The following DTD1 variants were observed in gnomAD, a reference collection of about 807,000 sequenced individuals.
The protein encoded by DTD1 is D-aminoacyl-tRNA deacylase 1, also known as D-tyrosyl-tRNA deacylase 1 homolog.
DTD1 carries 13 observed loss-of-function variants against 25.6 expected under a neutral mutation model. The ratio of observed to expected loss-of-function variants is 0.51; its 90% CI spans 0.33 to 0.81. The LOEUF is 0.81. Among genes scored for constraint, DTD1 ranks in the 30% least tolerant of loss-of-function variants. DTD1 has a pLI of 0.02. For synonymous variants in DTD1, 110 were observed against 103.6 expected (o/e 1.06, Z -0.37); for missense variants, 193 against 266.4 (o/e 0.72, Z 1.92).
At chr20:18,741,329 A>T (rs1657205385) in intron 4 of DTD1, among the ~76,000 whole-genome samples, 1 of 152,162 alleles carries the variant, frequency 6.6e-6, no homozygotes, top group African/African-American at 2.4e-5. Flanking sequence ...GTTGAGAAGA[A>T]ATCTCTCACA....
chr20:18,702,436 G>A (rs1007491247), intron 4 of DTD1, among the ~76,000 whole-genome samples: 2 of 152,178 alleles, frequency 1.3e-5, no homozygotes, highest in South Asian at 2.1e-4. Context: ...ATTAACTGGG[G>A]AAGTTGGCTA....
At chr20:18,651,903 T>C (rs187210576) in intron 4 of DTD1, among the ~76,000 whole-genome samples, 117 of 152,318 alleles carry the variant, frequency 7.7e-4, no homozygotes, top group African/African-American at 2.6e-3. Context: ...ATCTGGGGTC[T>C]TTCAAACCAG....
intron 5 of DTD1, among the ~76,000 whole-genome samples, chr20:18,761,457 G>A (rs2061362550): frequency 6.6e-6 from 1 of 152,078 alleles, no homozygotes; most frequent in South Asian, 2.1e-4. Flanking sequence ...CAAAGTTGGA[G>A]ACATACTGTA....
intron 4 of DTD1, among the ~76,000 whole-genome samples, chr20:18,700,075 G>A (rs6081307): frequency 0.36 from 54,990 of 152,046 alleles, 10,264 homozygotes; most frequent in Non-Finnish European, 0.41. Context: ...GCCTCCTCCA[G>A]TCTTACGATC....
At chr20:18,588,944 T>C in intron 1 of DTD1, 1 of 906,276 alleles carries the variant, frequency 1.1e-6, no homozygotes, top group Non-Finnish European at 1.3e-6. Context: ...CTTTAGTCTT[T>C]TCTGTCTTTA....
At chr20:18,683,236 AAAATAG>A (rs1192076427) in intron 4 of DTD1, among the ~76,000 whole-genome samples, 1 of 152,154 alleles carries the variant, frequency 6.6e-6, no homozygotes, top group Admixed American at 6.6e-5. Flanking sequence ...GCCCTAGGTG[AAAATAG>A]ACTACCTGTT....
At chr20:18,743,994 GA>G in intron 4 of DTD1, 105 bp from the exon 5 acceptor site, 1 of 1,299,992 alleles carries the variant, frequency 7.7e-7, no homozygotes, top group Non-Finnish European at 1.0e-6. Context: ...CAGGTTATCA[GA>G]AAAAAACTTT....
At chr20:18,640,420 C>T (rs565559567) in intron 4 of DTD1, among the ~76,000 whole-genome samples, 47 of 151,670 alleles carry the variant, frequency 3.1e-4, no homozygotes, top group East Asian at 3.9e-4. Flanking sequence ...GAGGTAGCGC[C>T]GTTAATAAGT....
intron 4 of DTD1, among the ~76,000 whole-genome samples, chr20:18,642,579 C>T (rs1025811775): frequency 2.0e-5 from 3 of 151,958 alleles, no homozygotes; most frequent in Admixed American, 6.6e-5. Flanking sequence ...AAGTTGTTTA[C>T]CCTCTTCAGA....
chr20:18,590,525 C>T (rs1347547819), intron 1 of DTD1, among the ~76,000 whole-genome samples: 1 of 152,146 alleles, frequency 6.6e-6, no homozygotes, highest in Non-Finnish European at 1.5e-5. Context: ...GGCTGGAGTA[C>T]AGTGGTGCCA....
chr20:18,707,199 C>T (rs1212252760), intron 4 of DTD1, among the ~76,000 whole-genome samples: 1 of 152,230 alleles, frequency 6.6e-6, no homozygotes, highest in Non-Finnish European at 1.5e-5. Context: ...GTCAGGATTC[C>T]AGTTATATTC....
At chr20:18,630,022 C>A (rs11905496) in intron 4 of DTD1, among the ~76,000 whole-genome samples, 3,719 of 152,056 alleles carry the variant, frequency 0.024, 93 homozygotes, top group South Asian at 0.04. Flanking sequence ...CAAATCCAAA[C>A]CATAGCAGTT....
intron 4 of DTD1, among the ~76,000 whole-genome samples, chr20:18,656,421 C>T (rs917878726): frequency 6.6e-6 from 1 of 152,206 alleles, no homozygotes; most frequent in Admixed American, 6.5e-5. Flanking sequence ...AGAGTCTCCT[C>T]CATCTGTTGA....
At chr20:18,671,612 A>G (rs2060951364) in intron 4 of DTD1, among the ~76,000 whole-genome samples, 1 of 152,250 alleles carries the variant, frequency 6.6e-6, no homozygotes, top group Non-Finnish European at 1.5e-5. Context: ...AGGCTCTGTC[A>G]TCACTTTAAT....
intron 4 of DTD1, among the ~76,000 whole-genome samples, chr20:18,738,836 T>C (rs1276396886): frequency 6.6e-6 from 1 of 152,224 alleles, no homozygotes; most frequent in African/African-American, 2.4e-5. Flanking sequence ...ATCATTCAAC[T>C]ACTATCAGGT....
intron 4 of DTD1, among the ~76,000 whole-genome samples, chr20:18,737,454 T>C (rs2061260486): frequency 6.6e-6 from 1 of 152,240 alleles, no homozygotes; most frequent in East Asian, 1.9e-4. Flanking sequence ...GTGCGGATGC[T>C]AACTGCATTC....
At chr20:18,723,908 A>C (rs1461995656) in intron 4 of DTD1, among the ~76,000 whole-genome samples, 5 of 152,216 alleles carry the variant, frequency 3.3e-5, no homozygotes, top group Non-Finnish European at 4.4e-5. Flanking sequence ...GTGGCTCAGT[A>C]GTGTCCTCAA....
intron 4 of DTD1, among the ~76,000 whole-genome samples, chr20:18,726,314 G>T (rs1217415251): frequency 6.6e-6 from 1 of 152,156 alleles, no homozygotes; most frequent in Non-Finnish European, 1.5e-5. Flanking sequence ...GAATGTTCCT[G>T]ATCTTGATTT....
chr20:18,663,453 A>C (rs565390632), intron 4 of DTD1, among the ~76,000 whole-genome samples: 2 of 152,368 alleles, frequency 1.3e-5, no homozygotes, highest in South Asian at 4.1e-4. Context: ...TTAATAGATC[A>C]AATTACAGTC....
Sources: gnomAD v4.1 joint callset for allele counts (sites outside exome capture counted in the v4.1 genomes callset) on GRCh38, gnomAD v4.1.1 for gene constraint, MANE v1.5 for transcripts, NCBI Gene and HGNC (gene_info 2026-07-23, HGNC 2026-07-21) for gene names.